The following FAF2 variants were observed in gnomAD, a reference collection of about 807,000 sequenced individuals.
FAF2 encodes Fas associated factor family member 2, also known as FAS-associated factor 2.
A neutral mutation model predicts 62.3 loss-of-function variants in FAF2; 9 were observed. The ratio of observed to expected loss-of-function variants is 0.14; its 90% CI spans 0.09 to 0.25. The LOEUF is 0.25. FAF2 is among the 10% of genes least tolerant of loss of function. The pLI, the probability that FAF2 is intolerant of heterozygous loss-of-function variation, is 1.00. For missense variants in FAF2, 368 were observed against 556.2 expected, an observed-to-expected ratio of 0.66 and a Z score of 3.40; for synonymous variants, 202 against 198.0, an observed-to-expected ratio of 1.02 and a Z score of -0.17.
intron 1 of FAF2, among the ~76,000 whole-genome samples, chr5:176,476,026 C>T (rs534087894): frequency 3.8e-4 from 58 of 152,062 alleles, no homozygotes; most frequent in Admixed American, 7.2e-4. Context: ...GAGGCCAAGG[C>T]GGGAGGATCG....
At chr5:176,469,338 T>C (rs1758521640) in intron 1 of FAF2, among the ~76,000 whole-genome samples, 1 of 152,262 alleles carries the variant, frequency 6.6e-6, no homozygotes, top group Non-Finnish European at 1.5e-5. Flanking sequence ...ATGTTAAGTC[T>C]AACATTCCTC....
intron 1 of FAF2, among the ~76,000 whole-genome samples, chr5:176,477,141 TTCACTGTG>T: frequency 7.4e-6 from 1 of 134,564 alleles, no homozygotes; most frequent in African/African-American, 2.8e-5. Flanking sequence ...GAGGCGGGGT[TTCACTGTG>T]TTAGCCAGGA....
Position 176,509,500 on chromosome 5 carries a change from AGTT to A in FAF2, c.*2553_*2555del, listed in dbSNP as rs2113753232. On this transcript the variant is annotated 3_prime_UTR_variant, in exon 11 of 11. Coordinates refer to ENST00000261942, the MANE Select transcript of FAF2 (RefSeq NM_014613.3). ...TTTTGTTCTGCACTCCCACGACTGAAGTTGTAGATTGAGCTGAATAACCATGGG... is the reference window on the plus strand; with the variant it reads ...TTTTGTTCTGCACTCCCACGACTGAAGTAGATTGAGCTGAATAACCATGGG... 1 of 152,604 alleles carries A rather than the reference AGTT, an allele frequency of 6.6e-6. No individual in the cohort carries two copies. Among genetic ancestry groups the A allele is most frequent in the East Asian group, 1.9e-4 (1 of 5,184 alleles). The allele number at this position is 152,604 out of a possible 1,614,324, so 9.5% of individuals were successfully genotyped here. A position where few individuals can be genotyped will look rare whatever the true frequency, so the allele number is the denominator to read the frequency against.
intron 1 of FAF2, 102 bp from the exon 2 acceptor site, chr5:176,479,086 A>C: frequency 1.1e-6 from 1 of 919,120 alleles, no homozygotes; most frequent in South Asian, 1.3e-5. Flanking sequence ...ACTCACTTTT[A>C]ACATTTTTTA....
At chr5:176,462,352 A>G (rs1262354332) in intron 1 of FAF2, among the ~76,000 whole-genome samples, 1 of 152,130 alleles carries the variant, frequency 6.6e-6, no homozygotes, top group African/African-American at 2.4e-5. Context: ...AATAGACTGC[A>G]CAGTGGCTCA....
At chr5:176,481,989 G>A (rs1274757363) in intron 2 of FAF2, among the ~76,000 whole-genome samples, 1 of 152,050 alleles carries the variant, frequency 6.6e-6, no homozygotes, top group African/African-American at 2.4e-5. Flanking sequence ...TTGTAGGAAG[G>A]TCTGAATTTC....
intron 1 of FAF2, among the ~76,000 whole-genome samples, chr5:176,474,722 C>T (rs1238286385): frequency 1.3e-5 from 2 of 152,152 alleles, no homozygotes; most frequent in African/African-American, 2.4e-5. Context: ...ATATTATCTC[C>T]TTGAGGAAGC....
Position 176,462,031 on chromosome 5 carries a change from C to T in FAF2, c.63+13561C>T, listed in dbSNP as rs183505141. ...GTGTCTCACACCTGTAGTCCCAACA[C>T]TTTATGAGACTGAGGTGGGAGGATC... On this transcript the variant is annotated intron_variant, in intron 1 of 10. Coordinates refer to ENST00000261942, the MANE Select transcript of FAF2 (RefSeq NM_014613.3). Among the ~76,000 whole-genome samples, 243 of 152,258 alleles carry T rather than the reference C, an allele frequency of 1.6e-3. 1 individual carries two copies. The highest frequency in any genetic ancestry group is 3.0e-3 in the Admixed American group (46 of 15,290).
chr5:176,460,364 A>C (rs1581468916), intron 1 of FAF2, among the ~76,000 whole-genome samples: 2 of 152,062 alleles, frequency 1.3e-5, no homozygotes, highest in South Asian at 2.1e-4. Flanking sequence ...AGTGTTATAT[A>C]AGCATTCGTT....
chr5:176,475,924 A>G (rs545748303), intron 1 of FAF2, among the ~76,000 whole-genome samples: 1 of 152,306 alleles, frequency 6.6e-6, no homozygotes, highest in East Asian at 1.9e-4. Context: ...TAATGTTTTA[A>G]CAACCAGCTT....
chr5:176,465,115 T>A (rs1758440561), intron 1 of FAF2, among the ~76,000 whole-genome samples: 1 of 152,108 alleles, frequency 6.6e-6, no homozygotes, highest in South Asian at 2.1e-4. Context: ...GGTCTTGAAC[T>A]TCAGACCTCA....
chr5:176,484,677 G>A lies in FAF2; in HGVS notation c.133-1678G>A, dbSNP rs541811272. Among the ~76,000 whole-genome samples the A allele has an allele frequency of 2.5e-4, 38 of 152,250 alleles. No homozygotes were observed. In the South Asian group the frequency reaches 7.9e-3, roughly 32 times the overall value. ...GGAGGCCGAGGCAGGTAGATCATGAGGTGAGGAGTTCAAGACCAGCCTGGC... is the reference window on the plus strand; with the variant it reads ...GGAGGCCGAGGCAGGTAGATCATGAAGTGAGGAGTTCAAGACCAGCCTGGC... On this transcript the variant is annotated intron_variant, in intron 2 of 10. Coordinates refer to ENST00000261942, the MANE Select transcript of FAF2 (RefSeq NM_014613.3).
chr5:176,450,455 T>A (rs954081283), intron 1 of FAF2, among the ~76,000 whole-genome samples: 7 of 152,178 alleles, frequency 4.6e-5, no homozygotes, highest in African/African-American at 1.7e-4. Flanking sequence ...TTATAAATTA[T>A]GGTATATTTA....
At chr5:176,453,777 C>G (rs1462030267) in intron 1 of FAF2, 1 of 152,034 alleles carries the variant, frequency 6.6e-6, no homozygotes, top group Non-Finnish European at 1.5e-5. Flanking sequence ...AGATACTGGC[C>G]GGGCGCAGTG....
intron 10 of FAF2, among the ~76,000 whole-genome samples, chr5:176,502,580 CA>C (rs370079277): frequency 8.5e-5 from 12 of 141,116 alleles, no homozygotes; most frequent in Non-Finnish European, 7.8e-5. Flanking sequence ...AACTCTGGCT[CA>C]AAAAAAAAAG....
chr5:176,460,259 G>T (rs1758354912), intron 1 of FAF2, among the ~76,000 whole-genome samples: 1 of 152,226 alleles, frequency 6.6e-6, no homozygotes, highest in South Asian at 2.1e-4. Flanking sequence ...TAATGGGATT[G>T]TTGGGTCAAT....
At chr5:176,492,030 T>G (rs1443908888) in intron 4 of FAF2, among the ~76,000 whole-genome samples, 164 bp from the exon 5 acceptor site, 1 of 152,212 alleles carries the variant, frequency 6.6e-6, no homozygotes, top group Non-Finnish European at 1.5e-5. Context: ...CTTTATGGCT[T>G]TTGAACCAGA....
rs1759021858 is a variant in FAF2 at position 176,494,143 on chromosome 5, T to G, written c.570-41T>G. The G allele has an allele frequency of 3.1e-6, 5 of 1,608,866 alleles. No homozygotes were observed. Among genetic ancestry groups the G allele is most frequent in the Non-Finnish European group, 4.2e-6 (5 of 1,176,592 alleles). On this transcript the variant is annotated intron_variant, in intron 6 of 10. Transcript: ENST00000261942. The surrounding 1 kb of genome is among the most constrained non-coding windows in gnomAD (Gnocchi z 4.0). ...GACTCTTTCTGGTGACAGTTTATAG[T>G]CAGCAAGTTGTTCTCATATCCTTTT...
intron 1 of FAF2, among the ~76,000 whole-genome samples, chr5:176,471,208 A>G (rs1465771841): frequency 2.6e-5 from 4 of 152,006 alleles, no homozygotes; most frequent in Non-Finnish European, 4.4e-5. Flanking sequence ...GACTTCATCT[A>G]TATAATCTTG....
Sources: gnomAD v4.1 joint callset for allele counts (sites outside exome capture counted in the v4.1 genomes callset) on GRCh38, gnomAD v4.1.1 for gene constraint, Gnocchi (gnomAD v3.1) non-coding constraint, MANE v1.5 for transcripts, NCBI Gene and HGNC (gene_info 2026-07-23, HGNC 2026-07-21) for gene names.